SUPT20HL1: variants seen among roughly 807,000 people sequenced by gnomAD.
SUPT20HL1 encodes the protein transcription factor SPT20 homolog-like 1.
For synonymous variants in SUPT20HL1, 133 were observed against 79.2 expected, an observed-to-expected ratio of 1.68 and a Z score of -3.61; for missense variants, 277 against 200.3, an observed-to-expected ratio of 1.38 and a Z score of -2.31.
Position 24,364,342 on chromosome X carries a change from CCTGCTCT to C in SUPT20HL1, c.1583_1589del (p.Pro528GlnfsTer9). 1.3e-6 allele frequency: 1 copy of C among 748,083 alleles called. No individual in the cohort carries two copies. Among genetic ancestry groups the C allele is most frequent in the Non-Finnish European group, 2.0e-6 (1 of 508,968 alleles). 61.7% of individuals were successfully genotyped at this position (748,083 alleles called of 1,213,427 possible). A position where few individuals can be genotyped will look rare whatever the true frequency, so the allele number is the denominator to read the frequency against. Reference sequence around the variant, plus strand: ...TCCTGCTCTAGCTGCTGCTGCTGCTCCTGCTCTAGCTGCTGCTGCTGCTCCTGCTCTA... The same window carrying C: ...TCCTGCTCTAGCTGCTGCTGCTGCTCAGCTGCTGCTGCTGCTCCTGCTCTA... On this transcript the variant is annotated frameshift_variant, in exon 1 of 1. Coordinates refer to ENST00000686983, the MANE Select transcript of SUPT20HL1 (RefSeq NM_001136234.3). LOFTEE classifies it low-confidence loss of function (END_TRUNC).
rs964786838 is a variant in SUPT20HL1, at chrX:24,362,055, A to G, written c.-706A>G. Among the ~76,000 whole-genome samples, 5 of 112,739 alleles carry G rather than the reference A, an allele frequency of 4.4e-5. No homozygotes were observed. The highest frequency in any genetic ancestry group is 1.9e-4 in the Admixed American group (2 of 10,712). ...TGAAGTTTCCACCAAGATCAGTGAC[A>G]ACTTCCCATGATTTCCCGACAGCGG... On this transcript the variant is annotated 5_prime_UTR_variant, in exon 1 of 1. Transcript: ENST00000686983.
Position 24,363,199 on chromosome X carries a change from C to T in SUPT20HL1, c.439C>T (p.Arg147Cys), listed in dbSNP as rs1324020263. The T allele has an allele frequency of 2.7e-6, 1 of 377,238 alleles. No homozygotes were observed. Among genetic ancestry groups the T allele is most frequent in the Non-Finnish European group, 5.3e-6 (1 of 189,890 alleles). 31.1% of individuals were successfully genotyped at this position (377,238 alleles called of 1,213,427 possible). The change falls in exon 1 of 1, where the codon CGT (arginine) becomes TGT (cysteine). Residue 147 changes from arginine (R) to cysteine (C), a missense_variant. Physicochemically the swap from Arg to Cys is radical, Grantham distance 180 (BLOSUM62 -3). Coordinates refer to ENST00000686983, the MANE Select transcript of SUPT20HL1 (RefSeq NM_001136234.3). ...TAGTGGGTGTGTCATAGTAGAAGTTCGTGACTACAGGCAGTCCAGTAATAT... is the reference window on the plus strand; with the variant it reads ...TAGTGGGTGTGTCATAGTAGAAGTTTGTGACTACAGGCAGTCCAGTAATAT... ...FHSGCVIVEVRDYRQSSNMQP... is the reference protein window; with the variant it reads ...FHSGCVIVEVCDYRQSSNMQP...
At position 24,363,771 on chromosome X, in the gene SUPT20HL1, T is replaced by C. The variant is rs1313705101; in HGVS notation, c.1011T>C (p.Phe337=). 4.9e-5 allele frequency: 19 copies of C among 387,665 alleles called. No homozygotes were observed. The highest frequency in any genetic ancestry group is 3.5e-4 in the South Asian group (15 of 42,706). The allele number at this position is 387,665 out of a possible 1,213,427, so 31.9% of individuals were successfully genotyped here. ...VWPAQEVEDP[F]GFALEAGCQA... ...CAGCCCAGGAGGTAGAAGACCCTTT[T>C]GGATTTGCGTTGGAAGCTGGCTGTC... Residue 337 remains phenylalanine, a synonymous_variant, in exon 1 of 1, where the codon TTT becomes TTC. Coordinates refer to ENST00000686983, the MANE Select transcript of SUPT20HL1 (RefSeq NM_001136234.3).
rs185770202 is a variant in SUPT20HL1 at position 24,361,128 on chromosome X, G to C, written c.-1633G>C. On this transcript the variant is annotated 5_prime_UTR_variant, in exon 1 of 1. Coordinates refer to ENST00000686983, the MANE Select transcript of SUPT20HL1 (RefSeq NM_001136234.3). ...GGACCAGTTGTCTGGAGCCGCTTGT[G>C]CTCAGGAATACGTCTCTCATTGTCT... Among the ~76,000 whole-genome samples, 70 of 112,554 alleles carry C rather than the reference G, an allele frequency of 6.2e-4. No homozygotes were observed. The highest frequency in any genetic ancestry group is 2.1e-3 in the African/African-American group (64 of 31,019).
In SUPT20HL1 at chrX:24,364,521, G is replaced by A; in HGVS notation, c.1761G>A (p.Gln587=). ...IQASRPCPAA[Q]PPTKFIKIAP... is the part of the protein sequence containing the mutation. ...CTAGCAGGCCCTGTCCAGCTGCCCA[G>A]CCCCCCACCAAATTCATAAAAATAG... Residue 587 remains glutamine, a synonymous_variant, in exon 1 of 1, where the codon CAG becomes CAA. Coordinates refer to ENST00000686983, the MANE Select transcript of SUPT20HL1 (RefSeq NM_001136234.3). The A allele has an allele frequency of 1.8e-6, 1 of 558,087 alleles. No homozygotes were observed. The highest frequency in any genetic ancestry group is 3.3e-6 in the Non-Finnish European group (1 of 302,128). The allele number at this position is 558,087 out of a possible 1,213,427, so 46.0% of individuals were successfully genotyped here.
At position 24,365,952 on chromosome X, in the gene SUPT20HL1, C is replaced by T. The variant is rs5944464; in HGVS notation, c.*528C>T. On this transcript the variant is annotated 3_prime_UTR_variant, in exon 1 of 1. Coordinates refer to ENST00000686983, the MANE Select transcript of SUPT20HL1 (RefSeq NM_001136234.3). ...GTTGTGCCGCAGATCTCGAGACCAT[C>T]TTGCAACACTGAAACTCATGCCCAT... Among the ~76,000 whole-genome samples, 32,645 of 110,513 alleles carry T rather than the reference C, an allele frequency of 0.3. 3,836 individuals carry two copies. The highest frequency in any genetic ancestry group is 0.6 in the South Asian group (1,534 of 2,539).
rs1799532 is a variant in SUPT20HL1, at chrX:24,362,633, A to G, written c.-128A>G. The stretch of plus-strand genomic sequence containing the variant: ...GGGGCGGGTTTCTGGGCAGATGCCC[A>G]CGTTGAACTCAGTGTGGACTTGTGG... On this transcript the variant is annotated 5_prime_UTR_variant, in exon 1 of 1. Transcript: ENST00000686983. 8.9e-5 allele frequency: 33 copies of G among 369,635 alleles called. No individual in the cohort carries two copies. Among genetic ancestry groups the G allele is most frequent in the African/African-American group, 2.0e-4 (8 of 39,196 alleles). The allele number at this position is 369,635 out of a possible 1,213,427, so 30.5% of individuals were successfully genotyped here. A position where few individuals can be genotyped will look rare whatever the true frequency, so the allele number is the denominator to read the frequency against.
rs1390004170 is a variant in SUPT20HL1 at position 24,361,804 on chromosome X, T to C, written c.-957T>C. On this transcript the variant is annotated 5_prime_UTR_variant, in exon 1 of 1. Coordinates refer to ENST00000686983, the MANE Select transcript of SUPT20HL1 (RefSeq NM_001136234.3). ...CAACACATGGAGAAATAAAGGTGAG[T>C]AATTATGTAAATGAACGTCAGGTAC... Among the ~76,000 whole-genome samples the C allele has an allele frequency of 8.9e-6, 1 of 111,900 alleles. No homozygotes were observed. Among genetic ancestry groups the C allele is most frequent in the African/African-American group, 3.3e-5 (1 of 30,719 alleles).
rs746484230 is a variant in SUPT20HL1 at position 24,362,920 on chromosome X, G to C, written c.160G>C (p.Asp54His). Residue 54 changes from aspartate (D) to histidine (H), a missense_variant, in exon 1 of 1, where the codon GAT becomes CAT. Transcript: ENST00000686983. ...TGAAGAATGTGGAAAAGAGCCTGAG[G>C]ATCCTCAGGAATTGAGAAGCAATGT... ...YVEECGKEPE[D>H]PQELRSNVNL... 5 of 375,111 alleles carry C rather than the reference G, an allele frequency of 1.3e-5. No homozygotes were observed. In the African/African-American group the frequency reaches 1.4e-4, roughly 10 times the overall value. 30.9% of individuals were successfully genotyped at this position (375,111 alleles called of 1,213,427 possible).
rs779323311 is a variant in SUPT20HL1, at chrX:24,364,736, G to C, written c.1976G>C (p.Arg659Thr). 4.2e-5 allele frequency: 17 copies of C among 407,677 alleles called. No homozygotes were observed. In the East Asian group the frequency reaches 1.1e-3, roughly 26 times the overall value. 33.6% of individuals were successfully genotyped at this position (407,677 alleles called of 1,213,427 possible). ...TCAGGAGGTCCACTACCAGATGCAA[G>C]GCCCGGTGCAGTGCAGGCATCTTCT... ...QSSGGPLPDA[R>T]PGAVQASSPA... Residue 659 changes from arginine to threonine, a missense_variant, in exon 1 of 1, where the codon AGG (arginine) becomes ACG (threonine). Transcript: ENST00000686983.
At position 24,364,234 on chromosome X, in the gene SUPT20HL1, C is replaced by T. The variant is rs752420776; in HGVS notation, c.1474C>T (p.Pro492Ser). ...ACAGGCAGGCAGCCCTCTTAAGCGT[C>T]CATTTTCTGCTGCTGCTGCTATTGC... ...PQQAGSPLKRPFSAAAAIAAA... is the reference protein window; with the variant it reads ...PQQAGSPLKRSFSAAAAIAAA... Residue 492 changes from proline to serine, a missense_variant, in exon 1 of 1, where the codon CCA (proline) becomes TCA (serine). Coordinates refer to ENST00000686983, the MANE Select transcript of SUPT20HL1 (RefSeq NM_001136234.3). 3 of 896,919 alleles carry T rather than the reference C, an allele frequency of 3.3e-6. No individual in the cohort carries two copies. Among genetic ancestry groups the T allele is most frequent in the Non-Finnish European group, 4.8e-6 (3 of 628,595 alleles). 73.9% of individuals were successfully genotyped at this position (896,919 alleles called of 1,213,427 possible). A position where few individuals can be genotyped will look rare whatever the true frequency, so the allele number is the denominator to read the frequency against.
chrX:24,367,683 G>C lies in SUPT20HL1; in HGVS notation c.*2259G>C, dbSNP rs35992958. Among the ~76,000 whole-genome samples the C allele has an allele frequency of 0.015, 1,683 of 112,135 alleles. 15 individuals are homozygous for C. The highest frequency in any genetic ancestry group is 0.023 in the Non-Finnish European group (1,221 of 53,177). Reference sequence around the variant, plus strand: ...TCCTTAGCTTTGGGTGCCAACTAGAGACCTGAACTCAGAATATCATCAGAT... The same window carrying C: ...TCCTTAGCTTTGGGTGCCAACTAGACACCTGAACTCAGAATATCATCAGAT... On this transcript the variant is annotated 3_prime_UTR_variant, in exon 1 of 1. Transcript: ENST00000686983.
rs757329012 is a variant in SUPT20HL1 at position 24,362,748 on chromosome X, G to C, written c.-13G>C. The C allele has an allele frequency of 2.2e-5, 8 of 369,174 alleles. No individual in the cohort carries two copies. Among genetic ancestry groups the C allele is most frequent in the African/African-American group, 2.1e-4 (8 of 38,540 alleles). The allele number at this position is 369,174 out of a possible 1,213,427, so 30.4% of individuals were successfully genotyped here. ...CGTTTTCTCTCCTCTTAGGGGCCCT[G>C]TTTTCTGTTACAATGGATCGAGATT... On this transcript the variant is annotated 5_prime_UTR_variant, in exon 1 of 1. Transcript: ENST00000686983.
In SUPT20HL1 at chrX:24,364,755, A is replaced by G. The variant is rs368342971; in HGVS notation, c.1995A>G (p.Ala665=). Residue 665 remains alanine (A), a synonymous_variant, in exon 1 of 1, where the codon GCA becomes GCG. Transcript: ENST00000686983. ...ATGCAAGGCCCGGTGCAGTGCAGGC[A>G]TCTTCTCCAGCACCCCTTCAGTTTT... ...LPDARPGAVQ[A]SSPAPLQFFL... is the part of the protein sequence containing the mutation. 18 of 398,881 alleles carry G rather than the reference A, an allele frequency of 4.5e-5. No homozygotes were observed. The highest frequency in any genetic ancestry group is 2.7e-4 in the African/African-American group (11 of 40,061). The allele number at this position is 398,881 out of a possible 1,213,427, so 32.9% of individuals were successfully genotyped here.
chrX:24,364,491 T>G lies in SUPT20HL1; in HGVS notation c.1731T>G (p.Ile577Met), dbSNP rs1249277877. The G allele has an allele frequency of 1.8e-6, 1 of 559,067 alleles. No homozygotes were observed. The highest frequency in any genetic ancestry group is 2.3e-5 in the Admixed American group (1 of 44,154). The allele number at this position is 559,067 out of a possible 1,213,427, so 46.1% of individuals were successfully genotyped here. ...CTCAGAAGCCCTCTGTGCCTCTCAT[T>G]CAAGCTAGCAGGCCCTGTCCAGCTG... ...SHSQKPSVPL[I>M]QASRPCPAAQ... Residue 577 changes from isoleucine (I) to methionine (M), a missense_variant, in exon 1 of 1, where the codon ATT (isoleucine) becomes ATG (methionine). By Grantham distance (10) the Ile-to-Met change is conservative. Coordinates refer to ENST00000686983, the MANE Select transcript of SUPT20HL1 (RefSeq NM_001136234.3).
At position 24,361,005 on chromosome X, in the gene SUPT20HL1, G is replaced by A. The variant is rs1000626564; in HGVS notation, c.-1756G>A. Among the ~76,000 whole-genome samples the A allele has an allele frequency of 8.9e-6, 1 of 112,388 alleles. No individual in the cohort carries two copies. Among genetic ancestry groups the A allele is most frequent in the Non-Finnish European group, 1.9e-5 (1 of 53,280 alleles). On this transcript the variant is annotated 5_prime_UTR_variant, in exon 1 of 1. The change abolishes an upstream ATG in the 5' untranslated region. Transcript: ENST00000686983. Reference sequence around the variant, plus strand: ...GCTCCCAGGACTGTCCTCAGTCTATGAGAAAGAAAAGTGGATGAATAAATA... The same window carrying A: ...GCTCCCAGGACTGTCCTCAGTCTATAAGAAAGAAAAGTGGATGAATAAATA...
At position 24,365,264 on chromosome X, in the gene SUPT20HL1, A is replaced by G. The variant is rs749796149; in HGVS notation, c.2504A>G (p.Gln835Arg). 1 of 385,618 alleles carries G rather than the reference A, an allele frequency of 2.6e-6. No individual in the cohort carries two copies. The highest frequency in any genetic ancestry group is 2.5e-5 in the Admixed American group (1 of 39,420). 31.8% of individuals were successfully genotyped at this position (385,618 alleles called of 1,213,427 possible). A position where few individuals can be genotyped will look rare whatever the true frequency, so the allele number is the denominator to read the frequency against. ...TQQLRVLQQP[Q>R]HIQLQTQQLR... ...CAGTTGAGAGTCTTGCAGCAGCCGC[A>G]GCATATCCAGCTCCAGACTCAGCAG... The change falls in exon 1 of 1, where the codon CAG becomes CGG. Residue 835 changes from glutamine to arginine, a missense_variant. Physicochemically the swap from Gln to Arg is conservative, Grantham distance 43. Transcript: ENST00000686983.
In SUPT20HL1 at chrX:24,361,265, A is replaced by G. The variant is rs759068443; in HGVS notation, c.-1496A>G. Among the ~76,000 whole-genome samples the G allele has an allele frequency of 2.7e-5, 3 of 112,745 alleles. No individual in the cohort carries two copies. The Admixed American group carries it at 2.8e-4, about 11-fold the overall frequency. ...TCTCCTCCGGGAATGCTTTTGGGGA[A>G]ACCCAAGTGAAGACAGGGGCAATTC... is the stretch of plus-strand genomic sequence containing the variant. On this transcript the variant is annotated 5_prime_UTR_variant, in exon 1 of 1. Transcript: ENST00000686983.
Position 24,365,607 on chromosome X carries a change from A to G in SUPT20HL1, c.*183A>G, listed in dbSNP as rs1485370491. Among the ~76,000 whole-genome samples the G allele has an allele frequency of 9.0e-6, 1 of 111,234 alleles. No individual in the cohort carries two copies. The highest frequency in any genetic ancestry group is 1.9e-5 in the Non-Finnish European group (1 of 53,085). On this transcript the variant is annotated 3_prime_UTR_variant, in exon 1 of 1. Coordinates refer to ENST00000686983, the MANE Select transcript of SUPT20HL1 (RefSeq NM_001136234.3). ...AGAAACGGAAGTGATTTCCTAAAGG[A>G]GCGTTGTTTTGCTTAAGTTACTCTT...
Sources: gnomAD v4.1 joint callset for allele counts (sites outside exome capture counted in the v4.1 genomes callset) on GRCh38, gnomAD v4.1.1 for gene constraint, MANE v1.5 for transcripts, NCBI Gene and HGNC (gene_info 2026-07-23, HGNC 2026-07-21) for gene names.